Variants in AFDN observed in about 807,000 individuals in gnomAD.
AFDN encodes the protein afadin.
Under a neutral mutation model 216.6 loss-of-function variants are expected in AFDN, and 68 were observed. That is an observed-to-expected ratio of 0.31 (90% CI 0.26 to 0.38). The LOEUF (loss-of-function observed/expected upper bound fraction) is 0.38, where lower values mean the gene tolerates loss of function less well. Among genes scored for constraint, AFDN ranks in the 10% least tolerant of loss-of-function variants. The pLI, the probability that AFDN is intolerant of heterozygous loss-of-function variation, is 1.00. For synonymous variants in AFDN, 868 were observed against 853.7 expected (o/e 1.02, Z -0.29); for missense variants, 2,136 against 2,342.0 (o/e 0.91, Z 1.82).
chr6:167,868,762 C>CTTTTTTTT (rs35300672), intron 2 of AFDN, among the ~76,000 whole-genome samples: 2 of 122,560 alleles, frequency 1.6e-5, no homozygotes, highest in Non-Finnish European at 3.3e-5. Context: ...ATTGTGCAAT[C>CTTTTTTTT]TTTTTTTTTT....
intron 1 of AFDN, among the ~76,000 whole-genome samples, chr6:167,846,980 AGGT>A (rs1781770801): frequency 1.3e-5 from 1 of 76,448 alleles, no homozygotes; most frequent in Non-Finnish European, 3.3e-5. Context: ...AAAAATAGTG[AGGT>A]ATGTCTATAC....
intron 11 of AFDN, among the ~76,000 whole-genome samples, chr6:167,900,815 T>G (rs1002398324): frequency 6.6e-6 from 1 of 152,172 alleles, no homozygotes; most frequent in Non-Finnish European, 1.5e-5. Flanking sequence ...GGACTGAATC[T>G]CCCACTCAAA....
At chr6:167,923,125 T>C (rs1792042343) in intron 22 of AFDN, 166 bp downstream of exon 22, 2 of 540,346 alleles carry the variant, frequency 3.7e-6, no homozygotes, top group Non-Finnish European at 6.5e-6. Flanking sequence ...CATATATATG[T>C]ATTTTTTCCT....
rs150549480 is a variant in AFDN at position 167,966,602 on chromosome 6, A to G, written c.5257+557A>G. ...GTCTTGGCTTTCATTTTCTCTCTCT[A>G]CCAATGATCTTCTATTTGTTTGAAC... On this transcript the variant is annotated intron_variant, in intron 32 of 33. Transcript: ENST00000683244. Among the ~76,000 whole-genome samples, 415 of 152,084 alleles carry G rather than the reference A, an allele frequency of 2.7e-3. 1 individual carries two copies. The highest frequency in any genetic ancestry group is 4.7e-3 in the Non-Finnish European group (319 of 67,998).
intron 1 of AFDN, among the ~76,000 whole-genome samples, chr6:167,842,565 T>C (rs1247330965): frequency 8.1e-5 from 12 of 148,470 alleles, no homozygotes; most frequent in Non-Finnish European, 1.8e-4. Context: ...GTATATACTC[T>C]GCAAGATGGG....
intron 29 of AFDN, among the ~76,000 whole-genome samples, chr6:167,950,820 C>T (rs1230457849): frequency 2.0e-5 from 3 of 149,058 alleles, no homozygotes; most frequent in Non-Finnish European, 4.4e-5. Context: ...TGAAGGGCCT[C>T]GAGGCAGAGA....
intron 23 of AFDN, among the ~76,000 whole-genome samples, chr6:167,932,391 G>T (rs1793420368): frequency 6.6e-6 from 1 of 152,154 alleles, no homozygotes; most frequent in Non-Finnish European, 1.5e-5. Flanking sequence ...CGGTCAGCAG[G>T]CTACTTCTTG....
rs140399797 is a variant in AFDN, at chr6:167,897,795, C to T, written c.1318-410C>T. On this transcript the variant is annotated intron_variant, in intron 10 of 33. Transcript: ENST00000683244. ...CTGAGTAGCTGGGGTTACAGGCACGCGCCACCACGCCTGCTAATTTTTGTA... is the reference window on the plus strand; with the variant it reads ...CTGAGTAGCTGGGGTTACAGGCACGTGCCACCACGCCTGCTAATTTTTGTA... Among the ~76,000 whole-genome samples, 606 of 151,976 alleles carry T rather than the reference C, an allele frequency of 4.0e-3. 5 individuals are homozygous for T. Among genetic ancestry groups the T allele is most frequent in the African/African-American group, 0.014 (574 of 41,440 alleles).
At chr6:167,952,264 TAGGCCCCTGATCGTGATAAGGATTAAAA>T in intron 30 of AFDN, 77 bp downstream of exon 30, 1 of 1,608,148 alleles carries the variant, frequency 6.2e-7, no homozygotes, top group South Asian at 1.1e-5. Flanking sequence ...TGGGGATAGC[TAGGCCCCTGATCGTGATAAGGATTAAAA>T]GGGCCCCTAG....
chr6:167,946,314 G>T (rs1159063858), intron 26 of AFDN, among the ~76,000 whole-genome samples: 2 of 152,220 alleles, frequency 1.3e-5, no homozygotes, highest in Non-Finnish European at 2.9e-5. Context: ...GGAGCGGAAG[G>T]CTCACGTCAC....
At chr6:167,839,050 CTT>C (rs760651382) in intron 1 of AFDN, among the ~76,000 whole-genome samples, 27 of 149,734 alleles carry the variant, frequency 1.8e-4, no homozygotes, top group Non-Finnish European at 2.7e-4. Context: ...ACTTCAAAAA[CTT>C]TTTTTTTTAA....
At chr6:167,842,155 A>C (rs1424010923) in intron 1 of AFDN, among the ~76,000 whole-genome samples, 1 of 152,084 alleles carries the variant, frequency 6.6e-6, no homozygotes. Context: ...CTATCCCCAA[A>C]ACACTGCTAG....
intron 1 of AFDN, among the ~76,000 whole-genome samples, chr6:167,852,267 A>G (rs1199632014): frequency 1.3e-5 from 2 of 152,232 alleles, no homozygotes; most frequent in Non-Finnish European, 2.9e-5. Flanking sequence ...AACAAGGGCC[A>G]CACATTATAT....
chr6:167,854,420 T>C (rs1198584289), intron 1 of AFDN, among the ~76,000 whole-genome samples: 1 of 152,080 alleles, frequency 6.6e-6, no homozygotes, highest in Non-Finnish European at 1.5e-5. Context: ...TGTGTGCTTT[T>C]TGAATTTTTT....
At chr6:167,944,775 T>C (rs941580268) in intron 26 of AFDN, among the ~76,000 whole-genome samples, 4 of 150,510 alleles carry the variant, frequency 2.7e-5, no homozygotes, top group African/African-American at 7.4e-5. Context: ...ATAGAAAAAC[T>C]ACAGTTAAAA....
At chr6:167,919,112 C>T (rs889186846) in intron 21 of AFDN, among the ~76,000 whole-genome samples, 179 bp downstream of exon 21, 8 of 152,286 alleles carry the variant, frequency 5.3e-5, no homozygotes, top group South Asian at 2.1e-4. Flanking sequence ...TCAGAAGTGT[C>T]GAGACACAGA....
rs1174842591 is a variant in AFDN at position 167,965,890 on chromosome 6, C to T, written c.5102C>T (p.Pro1701Leu). The T allele has an allele frequency of 7.1e-6, 11 of 1,548,736 alleles. No individual in the cohort carries two copies. The highest frequency in any genetic ancestry group is 9.6e-6 in the Non-Finnish European group (11 of 1,146,490). Residue 1701 changes from proline to leucine, a missense_variant, in exon 32 of 34, where the codon CCC becomes CTC. By Grantham distance (98) the Pro-to-Leu change is moderately conservative (BLOSUM62 -3). Transcript: ENST00000683244. Reference protein sequence around the residue: ...CRPPLPRDYEPPSPSPAPGAP... With the variant: ...CRPPLPRDYELPSPSPAPGAP... ...CCTCCGCTTCCCCGGGACTACGAGCCCCCGTCCCCGTCCCCCGCGCCCGGC... is the reference window on the plus strand; with the variant it reads ...CCTCCGCTTCCCCGGGACTACGAGCTCCCGTCCCCGTCCCCCGCGCCCGGC...
Position 167,970,443 on chromosome 6 carries a change from A to G in AFDN, c.*508A>G, listed in dbSNP as rs995588685. 1.4e-5 allele frequency: 3 copies of G among 220,742 alleles called. No homozygotes were observed. The highest frequency in any genetic ancestry group is 4.5e-5 in the African/African-American group (2 of 44,642). 13.7% of individuals were successfully genotyped at this position (220,742 alleles called of 1,614,324 possible). A position where few individuals can be genotyped will look rare whatever the true frequency, so the allele number is the denominator to read the frequency against. ...TACCCGGGAAGGAACATATGACGAC[A>G]TGCTCCTCCCATGTCCCCTGATGGT... On this transcript the variant is annotated 3_prime_UTR_variant, in exon 34 of 34. Transcript: ENST00000683244.
At chr6:167,934,312 G>A (rs1793707977) in intron 23 of AFDN, among the ~76,000 whole-genome samples, 1 of 152,140 alleles carries the variant, frequency 6.6e-6, no homozygotes, top group East Asian at 1.9e-4. Flanking sequence ...CTTGCTCACA[G>A]CACCAAACCT....
Sources: allele counts gnomAD v4.1 joint callset (sites outside exome capture counted in the v4.1 genomes callset), GRCh38; gene constraint gnomAD v4.1.1; transcripts MANE v1.5; gene names NCBI Gene and HGNC (gene_info 2026-07-23, HGNC 2026-07-21).